CDH12: variants seen among roughly 807,000 people sequenced by gnomAD.
CDH12 encodes cadherin 12.
CDH12 carries 41 observed loss-of-function variants against 74.1 expected under a neutral mutation model. The ratio of observed to expected loss-of-function variants is 0.55; its 90% confidence interval spans 0.43 to 0.72. The LOEUF is 0.72. Among genes scored for constraint, CDH12 ranks in the 30% least tolerant of loss-of-function variants. The probability of loss-of-function intolerance (pLI) is 0.00; values close to 1 mark genes in which losing one functional copy is unlikely to be tolerated. For missense variants in CDH12, 945 were observed against 977.2 expected (o/e 0.97, Z 0.44); for synonymous variants, 399 against 355.0 (o/e 1.12, Z -1.39).
At chr5:22,496,810 CT>C (rs1747120622) in intron 2 of CDH12, among the ~76,000 whole-genome samples, 1 of 152,172 alleles carries the variant, frequency 6.6e-6, no homozygotes, top group African/African-American at 2.4e-5. Context: ...CTGACCACTT[CT>C]TTTGCTCTTT....
intron 1 of CDH12, among the ~76,000 whole-genome samples, chr5:22,553,721 T>C (rs2126737688): frequency 6.6e-6 from 1 of 152,170 alleles, no homozygotes; most frequent in South Asian, 2.1e-4. Flanking sequence ...ACAGCAGCAG[T>C]CCCCAAGTTT....
chr5:22,435,422 GTGTATATATACGTATATA>G (rs1382003326), intron 2 of CDH12, among the ~76,000 whole-genome samples: 2 of 151,222 alleles, frequency 1.3e-5, no homozygotes, highest in Non-Finnish European at 2.9e-5. Flanking sequence ...ATATATATGT[GTGTATATATACGTATATA>G]TGTATATATA....
At chr5:22,789,349 G>T (rs1421128700) in intron 1 of CDH12, among the ~76,000 whole-genome samples, 1 of 151,694 alleles carries the variant, frequency 6.6e-6, no homozygotes, top group Non-Finnish European at 1.5e-5. Context: ...ACATAATAAA[G>T]AACAAAAAAA....
In CDH12 at chr5:21,755,769, A is replaced by G. The variant is rs1209487448; in HGVS notation, c.1707T>C (p.Val569=). Residue 569 remains valine, a synonymous_variant, in exon 14 of 15, where the codon GTT becomes GTC. Transcript: ENST00000382254. ...CAGGGTAGCTGCTGTCTTCTATTAC[A>G]ACAGGGAGGAAATACAACTCTTGCT... ...RRQQELYFLP[V]VIEDSSYPVQ... The G allele has an allele frequency of 6.2e-7, 1 of 1,613,944 alleles. No individual in the cohort carries two copies. The highest frequency in any genetic ancestry group is 1.3e-5 in the African/African-American group (1 of 74,900).
In CDH12 at chr5:22,762,412, T is replaced by C. The variant is rs183452895; in HGVS notation, c.-523+90646A>G. Reference sequence around the variant, plus strand: ...TCATTCTTAAAAAAGTATTAAAATATTGTGATTTGAGTTTTATTGTATTTT... The same window carrying C: ...TCATTCTTAAAAAAGTATTAAAATACTGTGATTTGAGTTTTATTGTATTTT... On this transcript the variant is annotated intron_variant, in intron 1 of 14. Coordinates refer to ENST00000382254, the MANE Select transcript of CDH12 (RefSeq NM_004061.5). Among the ~76,000 whole-genome samples the C allele has an allele frequency of 5.3e-5, 8 of 152,242 alleles. No individual in the cohort carries two copies. In the East Asian group the frequency reaches 9.7e-4, roughly 18 times the overall value.
At chr5:22,346,787 G>A (rs993967954) in intron 3 of CDH12, among the ~76,000 whole-genome samples, 32 of 152,108 alleles carry the variant, frequency 2.1e-4, no homozygotes, top group Admixed American at 1.6e-3. Flanking sequence ...GCTGGGAAAG[G>A]TCAGTGCAAA....
At chr5:22,782,892 A>C (rs925866900) in intron 1 of CDH12, among the ~76,000 whole-genome samples, 1 of 152,200 alleles carries the variant, frequency 6.6e-6, no homozygotes, top group African/African-American at 2.4e-5. Context: ...TCATTCACAT[A>C]CATTAAATAA....
At chr5:22,270,624 T>C (rs1736354959) in intron 3 of CDH12, among the ~76,000 whole-genome samples, 1 of 150,674 alleles carries the variant, frequency 6.6e-6, no homozygotes, top group South Asian at 2.1e-4. Context: ...TATATATGTA[T>C]ACACACACAC....
intron 4 of CDH12, among the ~76,000 whole-genome samples, chr5:22,149,581 C>G (rs939838813): frequency 2.0e-5 from 3 of 152,176 alleles, no homozygotes; most frequent in African/African-American, 7.2e-5. Context: ...CTTCCTGAAC[C>G]TCTAGAAAGA....
intron 5 of CDH12, among the ~76,000 whole-genome samples, chr5:22,070,034 A>C (rs4701566): frequency 0.018 from 2,815 of 152,250 alleles, 88 homozygotes; most frequent in African/African-American, 0.065. Context: ...CAGTGATGGA[A>C]ATGAGGGCTA....
Position 21,843,581 on chromosome 5 carries a change from C to T in CDH12, c.647-1253G>A, listed in dbSNP as rs891228086. ...CCAGGCTGGAGTGCAATGGTGCAAT[C>T]TGGGCTCACTGCAATCTCCGCCTCC... On this transcript the variant is annotated intron_variant, in intron 7 of 14. Coordinates refer to ENST00000382254, the MANE Select transcript of CDH12 (RefSeq NM_004061.5). Among the ~76,000 whole-genome samples, 3 of 150,992 alleles carry T rather than the reference C, an allele frequency of 2.0e-5. No individual in the cohort carries two copies. In the South Asian group the frequency reaches 6.2e-4, roughly 31 times the overall value.
At chr5:22,428,386 T>G (rs1232033677) in intron 2 of CDH12, among the ~76,000 whole-genome samples, 1 of 152,116 alleles carries the variant, frequency 6.6e-6, no homozygotes, top group Non-Finnish European at 1.5e-5. Flanking sequence ...AATATACACA[T>G]GATAAATGGT....
At chr5:22,526,448 C>T (rs1254894473) in intron 1 of CDH12, among the ~76,000 whole-genome samples, 1 of 152,182 alleles carries the variant, frequency 6.6e-6, no homozygotes, top group Non-Finnish European at 1.5e-5. Context: ...CCAGCACTGT[C>T]AGCTTAAAGC....
chr5:21,886,238 G>A (rs1250708269), intron 6 of CDH12, among the ~76,000 whole-genome samples: 1 of 151,610 alleles, frequency 6.6e-6, no homozygotes, highest in African/African-American at 2.4e-5. Flanking sequence ...TGAAATTTTG[G>A]AAAAAGTTTC....
chr5:21,894,687 T>C (rs1287349647), intron 6 of CDH12, among the ~76,000 whole-genome samples: 3 of 152,178 alleles, frequency 2.0e-5, no homozygotes, highest in Admixed American at 2.0e-4. Context: ...ACCCCTTTTT[T>C]GAATTTAGTT....
At chr5:22,221,604 A>G (rs114392636) in intron 3 of CDH12, among the ~76,000 whole-genome samples, 1 of 151,866 alleles carries the variant, frequency 6.6e-6, no homozygotes, top group Non-Finnish European at 1.5e-5. Flanking sequence ...TGCTCCCGCT[A>G]GTAATATAAA....
intron 1 of CDH12, among the ~76,000 whole-genome samples, chr5:22,694,964 A>T (rs1366041378): frequency 6.6e-6 from 1 of 151,936 alleles, no homozygotes; most frequent in African/African-American, 2.4e-5. Flanking sequence ...TGCATTAGGT[A>T]TTTGTCCTAA....
chr5:21,998,298 A>T (rs1372701636), intron 5 of CDH12, among the ~76,000 whole-genome samples: 1 of 152,088 alleles, frequency 6.6e-6, no homozygotes, highest in Non-Finnish European at 1.5e-5. Flanking sequence ...ATGAAACTAG[A>T]ATCTTTTTTA....
chr5:21,977,726 T>A (rs553054631), intron 5 of CDH12, among the ~76,000 whole-genome samples: 62 of 152,282 alleles, frequency 4.1e-4, no homozygotes, highest in African/African-American at 1.4e-3. Context: ...TGCTCCTCAC[T>A]CTTCTACCTT....
Sources: allele counts gnomAD v4.1 joint callset (sites outside exome capture counted in the v4.1 genomes callset), GRCh38; gene constraint gnomAD v4.1.1; transcripts MANE v1.5; gene names NCBI Gene and HGNC (gene_info 2026-07-23, HGNC 2026-07-21).